The following ASPA variants were observed in gnomAD, a reference collection of about 807,000 sequenced individuals.
The protein encoded by ASPA is aspartoacylase, also known as ACY-2.
A neutral mutation model predicts 29.6 loss-of-function variants in ASPA; 25 were observed. The ratio of observed to expected loss-of-function variants is 0.85; its 90% confidence interval spans 0.62 to 1.18. ASPA has a LOEUF of 1.18. ASPA is among the 50% of genes most tolerant of loss of function. The probability of loss-of-function intolerance (pLI) is 0.00; values close to 1 mark genes in which losing one functional copy is unlikely to be tolerated. For missense variants in ASPA, 333 were observed against 385.7 expected, an observed-to-expected ratio of 0.86 and a Z score of 1.14; for synonymous variants, 131 against 130.3, an observed-to-expected ratio of 1.01 and a Z score of -0.04.
rs759106494 is a variant in ASPA, at chr17:3,498,953, G to A, written c.807G>A (p.Thr269=). 5.0e-5 allele frequency: 80 copies of A among 1,612,982 alleles called. No individual in the cohort carries two copies. The highest frequency in any genetic ancestry group is 6.1e-5 in the Non-Finnish European group (72 of 1,179,424). ...DPMFLTLDGK[T]IPLGGDCTVY... is the part of the protein sequence containing the mutation. Reference sequence around the variant, plus strand: ...TGTTTTTAACTCTTGATGGGAAGACGATCCCACTGGGCGGAGACTGTACCG... The same window carrying A: ...TGTTTTTAACTCTTGATGGGAAGACAATCCCACTGGGCGGAGACTGTACCG... The change falls in exon 6 of 6, where the codon ACG becomes ACA. Residue 269 remains threonine (T), a synonymous_variant. Coordinates refer to ENST00000263080, the MANE Select transcript of ASPA (RefSeq NM_000049.4).
chr17:3,499,197 A>AC lies in ASPA; in HGVS notation c.*110dup. On this transcript the variant is annotated 3_prime_UTR_variant, in exon 6 of 6. Coordinates refer to ENST00000263080, the MANE Select transcript of ASPA (RefSeq NM_000049.4). The stretch of plus-strand genomic sequence containing the variant: ...TTCAACTGCATACATAGCTCCTAGC[A>AC]CAGTGCCTTATTCGGTAGGCATCTA... 1 of 1,178,826 alleles carries AC rather than the reference A, an allele frequency of 8.5e-7. No individual in the cohort carries two copies. Among genetic ancestry groups the AC allele is most frequent in the Non-Finnish European group, 1.2e-6 (1 of 833,010 alleles). 73.0% of individuals were successfully genotyped at this position (1,178,826 alleles called of 1,614,324 possible).
chr17:3,486,445 G>A (rs944387619), intron 3 of ASPA, among the ~76,000 whole-genome samples: 1 of 152,100 alleles, frequency 6.6e-6, no homozygotes, highest in African/African-American at 2.4e-5. Context: ...CACCTGCTTT[G>A]CAATAGACAT....
At chr17:3,478,627 T>G (rs1414581824) in intron 1 of ASPA, among the ~76,000 whole-genome samples, 1 of 152,226 alleles carries the variant, frequency 6.6e-6, no homozygotes, top group Admixed American at 6.5e-5. Context: ...CCCAGTAGTA[T>G]GCATTTCAGT....
chr17:3,487,046 GTGTGTGTGTGTTTA>G (rs1597436631), intron 3 of ASPA, among the ~76,000 whole-genome samples: 1 of 147,060 alleles, frequency 6.8e-6, no homozygotes, highest in African/African-American at 2.5e-5. Flanking sequence ...ATATTTGTGT[GTGTGTGTGTGTTTA>G]TGTGTGTGTG....
chr17:3,487,511 T>C (rs936312846), intron 3 of ASPA, among the ~76,000 whole-genome samples: 2 of 152,230 alleles, frequency 1.3e-5, no homozygotes, highest in Non-Finnish European at 2.9e-5. Flanking sequence ...TAGCCTAAGA[T>C]TGATATTTGA....
chr17:3,481,638 G>T lies in ASPA; in HGVS notation c.272G>T (p.Arg91Ile). 1 of 1,613,816 alleles carries T rather than the reference G, an allele frequency of 6.2e-7. No homozygotes were observed. The highest frequency in any genetic ancestry group is 1.7e-4 in the Middle Eastern group (1 of 6,026). Residue 91 changes from arginine to isoleucine, a missense_variant, in exon 2 of 6, where the codon AGA becomes ATA. Arg to Ile is a moderately conservative substitution (Grantham distance 97). Coordinates refer to ENST00000263080, the MANE Select transcript of ASPA (RefSeq NM_000049.4). ...KMSEDLPYEV[R>I]RAQEINHLFG... The stretch of plus-strand genomic sequence containing the variant: ...TCAGAAGATTTGCCATATGAAGTGA[G>T]AAGGGCTCAAGAAATAAATCATTTA...
At chr17:3,491,631 C>G (rs1411178367) in intron 4 of ASPA, among the ~76,000 whole-genome samples, 2 of 152,058 alleles carry the variant, frequency 1.3e-5, no homozygotes, top group African/African-American at 2.4e-5. Context: ...GCCTATAATT[C>G]CAGCTACTCC....
intron 4 of ASPA, among the ~76,000 whole-genome samples, chr17:3,491,745 C>CA (rs780884527): frequency 6.1e-5 from 9 of 147,534 alleles, no homozygotes; most frequent in African/African-American, 2.3e-4. Flanking sequence ...GAGACTGTCT[C>CA]AAAAAAAAAA....
At chr17:3,475,871 C>T (rs1430659552), upstream of ASPA, 2 of 432,988 alleles carry the variant, frequency 4.6e-6, no homozygotes, top group African/African-American at 4.0e-5. Flanking sequence ...GTATTTAGAT[C>T]TACTGACCAT....
At position 3,485,427 on chromosome 17, in the gene ASPA, C is replaced by T. The variant is rs1425483580; in HGVS notation, c.526+1835C>T. Among the ~76,000 whole-genome samples the T allele has an allele frequency of 6.6e-6, 1 of 152,144 alleles. No individual in the cohort carries two copies. Among genetic ancestry groups the T allele is most frequent in the Non-Finnish European group, 1.5e-5 (1 of 68,028 alleles). On this transcript the variant is annotated intron_variant, in intron 3 of 5. Transcript: ENST00000263080. The surrounding 1 kb of genome is among the most constrained non-coding windows in gnomAD (Gnocchi z 4.4). ...TAAAATACTAGCCAACCAGGAGAAT[C>T]GCTTGAACCCCGGAGGTGGAGGTTG...
intron 5 of ASPA, among the ~76,000 whole-genome samples, chr17:3,497,059 G>A (rs1006801649): frequency 4.6e-5 from 7 of 152,190 alleles, no homozygotes; most frequent in South Asian, 4.1e-4. Flanking sequence ...CTGAGATTAC[G>A]TCTAAAAAGA....
intron 5 of ASPA, among the ~76,000 whole-genome samples, chr17:3,495,600 G>A (rs550352116): frequency 2.1e-4 from 32 of 152,126 alleles, no homozygotes; most frequent in African/African-American, 6.5e-4. Flanking sequence ...ATGGAGTCTC[G>A]CTCTGTCGCC....
Position 3,476,131 on chromosome 17 carries a change from C to T in ASPA, c.-29C>T, listed in dbSNP as rs1297840366. 1 of 1,585,164 alleles carries T rather than the reference C, an allele frequency of 6.3e-7. No homozygotes were observed. Among genetic ancestry groups the T allele is most frequent in the Non-Finnish European group, 8.7e-7 (1 of 1,154,876 alleles). On this transcript the variant is annotated 5_prime_UTR_variant, in exon 1 of 6. Transcript: ENST00000263080. ...TTCCTTTGATCTCTCTTCTGAATTG[C>T]AGAAATCAGATAAAAACTACTTGGT...
chr17:3,483,198 C>A (rs560656043), intron 2 of ASPA, among the ~76,000 whole-genome samples: 1 of 152,072 alleles, frequency 6.6e-6, no homozygotes, highest in Non-Finnish European at 1.5e-5. Flanking sequence ...AAAATCACCA[C>A]ATCCATTAAG....
At chr17:3,486,343 T>A (rs899575938) in intron 3 of ASPA, among the ~76,000 whole-genome samples, 2 of 152,188 alleles carry the variant, frequency 1.3e-5, no homozygotes, top group Non-Finnish European at 2.9e-5. Context: ...CTTGAAAAGA[T>A]CATCTGGAAC....
chr17:3,497,442 G>A (rs923654364), intron 5 of ASPA, among the ~76,000 whole-genome samples: 6 of 152,216 alleles, frequency 3.9e-5, no homozygotes, highest in Admixed American at 1.3e-4. Flanking sequence ...GCATGGTTGC[G>A]GGTTATATGA....
In ASPA at chr17:3,477,054, C is replaced by T. The variant is rs573412610; in HGVS notation, c.236+659C>T. On this transcript the variant is annotated intron_variant, in intron 1 of 5. Coordinates refer to ENST00000263080, the MANE Select transcript of ASPA (RefSeq NM_000049.4). Reference sequence around the variant, plus strand: ...CCTGTAGTCCCAGCTACTTGGGAGGCTGAGGCAGGAGAATGGCGTGAACCC... The same window carrying T: ...CCTGTAGTCCCAGCTACTTGGGAGGTTGAGGCAGGAGAATGGCGTGAACCC... 3.4e-3 allele frequency among the ~76,000 whole-genome samples: 517 copies of T among 151,848 alleles called. 2 individuals carry two copies. The highest frequency in any genetic ancestry group is 5.2e-3 in the Non-Finnish European group (352 of 67,904).
chr17:3,496,037 C>T (rs562684382), intron 5 of ASPA, among the ~76,000 whole-genome samples: 1 of 152,208 alleles, frequency 6.6e-6, no homozygotes, highest in East Asian at 1.9e-4. Context: ...CAAAAATAAT[C>T]CCAGGCAGAC....
chr17:3,495,734 A>G (rs8065488), intron 5 of ASPA, among the ~76,000 whole-genome samples: 67,423 of 151,922 alleles, frequency 0.44, 16,612 homozygotes, highest in Non-Finnish European at 0.56. Context: ...ACACCCGGCT[A>G]ACTTTTGTAT....
Sources: gnomAD v4.1 joint callset for allele counts (sites outside exome capture counted in the v4.1 genomes callset) on GRCh38, gnomAD v4.1.1 for gene constraint, Gnocchi (gnomAD v3.1) non-coding constraint, MANE v1.5 for transcripts, NCBI Gene and HGNC (gene_info 2026-07-23, HGNC 2026-07-21) for gene names.